CAPN13: variants seen among roughly 807,000 people sequenced by gnomAD.
The protein encoded by CAPN13 is calpain-13.
In CAPN13, 90 loss-of-function variants were observed where a neutral mutation model predicts 98.4. The ratio of observed to expected loss-of-function variants is 0.92; its 90% CI spans 0.77 to 1.09. The LOEUF (loss-of-function observed/expected upper bound fraction) is 1.09. Among genes scored for constraint, CAPN13 ranks in the 50% least tolerant of loss-of-function variants. The pLI, the probability that CAPN13 is intolerant of heterozygous loss-of-function variation, is 0.00. For synonymous variants in CAPN13, 330 were observed against 305.5 expected, an observed-to-expected ratio of 1.08 and a Z score of -0.84; for missense variants, 887 against 841.3, an observed-to-expected ratio of 1.05 and a Z score of -0.67.
At chr2:30,742,493 C>T in intron 13 of CAPN13, 134 bp from the exon 14 acceptor site, 1 of 928,936 alleles carries the variant, frequency 1.1e-6, no homozygotes. Flanking sequence ...CACCGCAGGA[C>T]ACGAAGTGAG....
intron 2 of CAPN13, among the ~76,000 whole-genome samples, chr2:30,784,874 C>G (rs900373439): frequency 2.0e-5 from 3 of 152,172 alleles, no homozygotes; most frequent in Non-Finnish European, 4.4e-5. Flanking sequence ...TAAAGCCAGG[C>G]CTGCCATGTG....
chr2:30,774,948 T>C (rs1229909179), intron 4 of CAPN13, among the ~76,000 whole-genome samples: 1 of 152,322 alleles, frequency 6.6e-6, no homozygotes, highest in South Asian at 2.1e-4. Flanking sequence ...AGCACATTAC[T>C]GAAGTCAAGA....
chr2:30,743,770 C>A, intron 12 of CAPN13, 191 bp from the exon 13 acceptor site: 1 of 694,968 alleles, frequency 1.4e-6, no homozygotes, highest in Non-Finnish European at 2.6e-6. Flanking sequence ...TTCATCTAGA[C>A]CCTGGACACA....
At chr2:30,777,495 G>C (rs1009211885) in intron 3 of CAPN13, 72 bp downstream of exon 3, 1 of 1,346,562 alleles carries the variant, frequency 7.4e-7, no homozygotes, top group Admixed American at 2.0e-5. Flanking sequence ...AAGTGGGGCA[G>C]GACTCTGTGG....
At chr2:30,797,707 T>C (rs1674957530) in intron 1 of CAPN13, among the ~76,000 whole-genome samples, 1 of 152,214 alleles carries the variant, frequency 6.6e-6, no homozygotes, top group Non-Finnish European at 1.5e-5. Context: ...CAGTCACCTC[T>C]GAACTCCCAA....
chr2:30,781,704 C>T (rs1444000469), intron 2 of CAPN13, among the ~76,000 whole-genome samples: 2 of 152,164 alleles, frequency 1.3e-5, no homozygotes, highest in Non-Finnish European at 2.9e-5. Context: ...CACTGGCTTT[C>T]CTGGGTCTCC....
rs1035234091 is a variant in CAPN13, at chr2:30,730,268, G to A, written c.*30+462C>T. ...TTCTTCAGCACACTCATGCTAGAGG[G>A]ATAAACACTGATGCCTACAGATGTT... On this transcript the variant is annotated intron_variant, in intron 22 of 22. Transcript: ENST00000295055. Among the ~76,000 whole-genome samples, 5 of 152,282 alleles carry A rather than the reference G, an allele frequency of 3.3e-5. No homozygotes were observed. The South Asian group carries it at 6.2e-4, about 19-fold the overall frequency.
intron 12 of CAPN13, 194 bp from the exon 13 acceptor site, chr2:30,743,773 T>C: frequency 1.4e-6 from 1 of 691,040 alleles, no homozygotes; most frequent in Non-Finnish European, 2.7e-6. Context: ...ATCTAGACCC[T>C]GGACACAATG....
Position 30,743,395 on chromosome 2 carries a change from G to A in CAPN13, c.1433C>T (p.Pro478Leu). 2 of 1,613,600 alleles carry A rather than the reference G, an allele frequency of 1.2e-6. No individual in the cohort carries two copies. Among genetic ancestry groups the A allele is most frequent in the Non-Finnish European group, 1.7e-6 (2 of 1,179,508 alleles). ...GAGGGTTCTGTACCTGTCACTGTCT[G>A]GCATTTTCAGGAAGATTCGGAGCAA... ...EFLLRIFLKM[P>L]DSDRHLSSHF... is the part of the protein sequence containing the mutation. The change falls in exon 13 of 23, where the codon CCA (proline) becomes CTA (leucine). Residue 478 changes from proline (P) to leucine (L), a missense_variant. By Grantham distance (98) the Pro-to-Leu change is moderately conservative. Transcript: ENST00000295055.
At chr2:30,758,567 G>A (rs1339847152) in intron 7 of CAPN13, among the ~76,000 whole-genome samples, 1 of 152,176 alleles carries the variant, frequency 6.6e-6, no homozygotes, top group African/African-American at 2.4e-5. Context: ...AGCCCAGTGG[G>A]AGCTATGGTG....
At chr2:30,772,038 C>T (rs745326453) in intron 4 of CAPN13, among the ~76,000 whole-genome samples, 4 of 152,190 alleles carry the variant, frequency 2.6e-5, no homozygotes, top group Non-Finnish European at 5.9e-5. Flanking sequence ...CTGGTTAGTT[C>T]ATCTTAAAAA....
chr2:30,749,879 G>T (rs1177060995), intron 11 of CAPN13, among the ~76,000 whole-genome samples: 3 of 152,168 alleles, frequency 2.0e-5, no homozygotes, highest in African/African-American at 7.2e-5. Flanking sequence ...GGAGTAGAGA[G>T]ATCAGATTTT....
intron 7 of CAPN13, among the ~76,000 whole-genome samples, chr2:30,760,129 C>G (rs1249304972): frequency 6.6e-6 from 1 of 152,148 alleles, no homozygotes; most frequent in Non-Finnish European, 1.5e-5. Flanking sequence ...GTCGCCCAGG[C>G]TGGAGTGCAG....
At chr2:30,791,388 A>C (rs1409855853) in intron 1 of CAPN13, among the ~76,000 whole-genome samples, 1 of 152,210 alleles carries the variant, frequency 6.6e-6, no homozygotes, top group Non-Finnish European at 1.5e-5. Flanking sequence ...GTATTCAATA[A>C]AATCTCCTGA....
chr2:30,752,923 A>T (rs1017995814), intron 10 of CAPN13, 130 bp downstream of exon 10: 1 of 1,025,668 alleles, frequency 9.7e-7, no homozygotes, highest in African/African-American at 1.6e-5. Flanking sequence ...TCATGCTGAC[A>T]AACTCCCCTC....
intron 7 of CAPN13, among the ~76,000 whole-genome samples, chr2:30,759,140 T>C (rs62142193): frequency 0.48 from 47,758 of 100,340 alleles, 10,317 homozygotes; most frequent in Non-Finnish European, 0.55. Flanking sequence ...CCTTCCTCCC[T>C]CTTCCCCTTC....
intron 10 of CAPN13, among the ~76,000 whole-genome samples, chr2:30,751,710 T>C (rs1572816069): frequency 6.6e-6 from 1 of 152,290 alleles, no homozygotes; most frequent in African/African-American, 2.4e-5. Context: ...AGCGAGCTAA[T>C]GTGAAAACCA....
rs1399900299 is a variant in CAPN13 at position 30,751,097 on chromosome 2, C to A, written c.1236+6G>T. 1 of 1,613,060 alleles carries A rather than the reference C, an allele frequency of 6.2e-7. No homozygotes were observed. Among genetic ancestry groups the A allele is most frequent in the Non-Finnish European group, 8.5e-7 (1 of 1,179,542 alleles). Reference sequence around the variant, plus strand: ...CAAGGGAAAGCCCTGAAGCAGGCTGCCTTACCAGAATCACTTGGAAATCGA... The same window carrying A: ...CAAGGGAAAGCCCTGAAGCAGGCTGACTTACCAGAATCACTTGGAAATCGA... On this transcript the variant is annotated splice_donor_region_variant and intron_variant, in intron 11 of 22. Transcript: ENST00000295055.
At chr2:30,723,919 G>A (rs902340686) in intron 22 of CAPN13, among the ~76,000 whole-genome samples, 14 of 152,144 alleles carry the variant, frequency 9.2e-5, no homozygotes, top group African/African-American at 2.2e-4. Flanking sequence ...TACAAGGCAC[G>A]AAGGAAAAAT....
Sources: gnomAD v4.1 joint callset for allele counts (sites outside exome capture counted in the v4.1 genomes callset) on GRCh38, gnomAD v4.1.1 for gene constraint, MANE v1.5 for transcripts, NCBI Gene and HGNC (gene_info 2026-07-23, HGNC 2026-07-21) for gene names.